Variants in SPECC1 observed in about 807,000 individuals in gnomAD.
SPECC1 encodes the protein sperm antigen with calponin homology and coiled-coil domains 1.
Under a neutral mutation model 104.1 loss-of-function variants are expected in SPECC1, and 62 were observed. The ratio of observed to expected loss-of-function variants is 0.60; its 90% CI spans 0.49 to 0.74. The LOEUF (loss-of-function observed/expected upper bound fraction) is 0.74, where lower values mean the gene tolerates loss of function less well. SPECC1 is among the 30% of genes least tolerant of loss of function. The pLI is 0.00. For synonymous variants in SPECC1, 513 were observed against 501.6 expected (o/e 1.02, Z -0.30); for missense variants, 1,306 against 1,310.5 (o/e 1.00, Z 0.05).
At chr17:20,187,441 G>A (rs544582783) in intron 3 of SPECC1, among the ~76,000 whole-genome samples, 26 of 152,192 alleles carry the variant, frequency 1.7e-4, no homozygotes, top group African/African-American at 6.0e-4. Flanking sequence ...GAGAGTCCCC[G>A]CTCTTTGCTG....
chr17:20,172,160 A>G (rs1339540520), intron 3 of SPECC1, among the ~76,000 whole-genome samples: 1 of 152,170 alleles, frequency 6.6e-6, no homozygotes, highest in East Asian at 1.9e-4. Flanking sequence ...CACCTGTGGA[A>G]GGTGTGTGGG....
At chr17:20,010,910 C>A (rs137857021) in intron 1 of SPECC1, among the ~76,000 whole-genome samples, 27 of 152,236 alleles carry the variant, frequency 1.8e-4, no homozygotes, top group African/African-American at 6.3e-4. Flanking sequence ...TGCCCAAATG[C>A]TTTTGTGTAG....
At chr17:20,126,075 G>A (rs1329545858) in intron 3 of SPECC1, among the ~76,000 whole-genome samples, 1 of 152,088 alleles carries the variant, frequency 6.6e-6, no homozygotes, top group Non-Finnish European at 1.5e-5. Context: ...GCACCTCCCC[G>A]AAGAATACTG....
Position 20,204,322 on chromosome 17 carries a change from C to T in SPECC1, c.284-11C>T, listed in dbSNP as rs1567934450. ...TTTATTTTTTCATTTTTTTCTTCTTCTGTCTTTAAGGGGCCTTTACAACAA... is the reference window on the plus strand; with the variant it reads ...TTTATTTTTTCATTTTTTTCTTCTTTTGTCTTTAAGGGGCCTTTACAACAA... On this transcript the variant is annotated splice_polypyrimidine_tract_variant and intron_variant, in intron 3 of 14. Coordinates refer to ENST00000395527, the MANE Select transcript of SPECC1 (RefSeq NM_001243439.2). 11 of 1,581,260 alleles carry T rather than the reference C, an allele frequency of 7.0e-6. No individual in the cohort carries two copies. The highest frequency in any genetic ancestry group is 5.9e-5 in the Admixed American group (3 of 51,040).
At chr17:20,021,604 C>A (rs1460084708) in intron 1 of SPECC1, among the ~76,000 whole-genome samples, 1 of 150,604 alleles carries the variant, frequency 6.6e-6, no homozygotes, top group Non-Finnish European at 1.5e-5. Context: ...AGATTGCTGT[C>A]AAGGGTGGCT....
At chr17:20,039,782 C>T (rs1476961827) in intron 1 of SPECC1, among the ~76,000 whole-genome samples, 3 of 152,070 alleles carry the variant, frequency 2.0e-5, no homozygotes, top group African/African-American at 7.2e-5. Flanking sequence ...GTCTGGAACT[C>T]CTGACCTCAG....
chr17:20,028,569 A>G (rs928609514), intron 1 of SPECC1, among the ~76,000 whole-genome samples: 9 of 149,840 alleles, frequency 6.0e-5, no homozygotes, highest in African/African-American at 2.0e-4. Flanking sequence ...ATATGTATGT[A>G]TGTATGTGTC....
intron 12 of SPECC1, among the ~76,000 whole-genome samples, chr17:20,263,454 C>T (rs1339956040): frequency 6.7e-6 from 1 of 150,188 alleles, no homozygotes; most frequent in African/African-American, 2.4e-5. Context: ...ACCAACATGG[C>T]ACATATATAC....
At chr17:20,025,584 A>T (rs1262907003) in intron 1 of SPECC1, among the ~76,000 whole-genome samples, 1 of 152,204 alleles carries the variant, frequency 6.6e-6, no homozygotes, top group Non-Finnish European at 1.5e-5. Context: ...TGTATGGATA[A>T]TACCGCATGT....
intron 3 of SPECC1, among the ~76,000 whole-genome samples, chr17:20,157,232 C>T (rs1011706459): frequency 1.3e-5 from 2 of 152,046 alleles, no homozygotes; most frequent in African/African-American, 4.8e-5. Flanking sequence ...TTGGCCCTAT[C>T]CTCGGGGTGG....
intron 1 of SPECC1, among the ~76,000 whole-genome samples, chr17:20,031,917 G>T (rs1435912809): frequency 6.6e-6 from 1 of 152,172 alleles, no homozygotes; most frequent in Non-Finnish European, 1.5e-5. Flanking sequence ...CCCTTGGGTT[G>T]CTTCTACCTT....
chr17:20,317,158 T>TA lies in SPECC1; in HGVS notation c.*3095dup, dbSNP rs2042051309. Reference sequence around the variant, plus strand: ...GGTCAGGCATGGTGGCTCATGCCTATAATCCCAGCACTTTGGGAGGCTGAG... The same window carrying TA: ...GGTCAGGCATGGTGGCTCATGCCTATAAATCCCAGCACTTTGGGAGGCTGAG... On this transcript the variant is annotated 3_prime_UTR_variant, in exon 15 of 15. Transcript: ENST00000395527. 2 of 175,710 alleles carry TA rather than the reference T, an allele frequency of 1.1e-5. No individual in the cohort carries two copies. Among genetic ancestry groups the TA allele is most frequent in the African/African-American group, 4.8e-5 (2 of 41,746 alleles). 10.9% of individuals were successfully genotyped at this position (175,710 alleles called of 1,614,324 possible). A position where few individuals can be genotyped will look rare whatever the true frequency, so the allele number is the denominator to read the frequency against.
chr17:20,096,612 C>G lies in SPECC1; in HGVS notation c.-21-19C>G, dbSNP rs752038431. Reference sequence around the variant, plus strand: ...GTTCAAGTGATGGAGACATGTTTTTCTTTTCTGCTCTTTTGCAGGACAGAC... The same window carrying G: ...GTTCAAGTGATGGAGACATGTTTTTGTTTTCTGCTCTTTTGCAGGACAGAC... On this transcript the variant is annotated intron_variant, in intron 1 of 14. Coordinates refer to ENST00000395527, the MANE Select transcript of SPECC1 (RefSeq NM_001243439.2). 95 of 1,579,370 alleles carry G rather than the reference C, an allele frequency of 6.0e-5. No individual in the cohort carries two copies. Among genetic ancestry groups the G allele is most frequent in the Non-Finnish European group, 7.9e-5 (92 of 1,159,894 alleles).
chr17:20,178,997 T>G (rs1297973608), intron 3 of SPECC1, among the ~76,000 whole-genome samples: 2 of 152,240 alleles, frequency 1.3e-5, no homozygotes, highest in African/African-American at 4.8e-5. Context: ...GAAGCTAGAA[T>G]AGAGTCTGTA....
At chr17:20,156,132 G>A in intron 3 of SPECC1, 2 of 1,388,390 alleles carry the variant, frequency 1.4e-6, no homozygotes, top group Middle Eastern at 2.6e-4. Flanking sequence ...GAGCCAGCGC[G>A]AGCTCGGCAC....
chr17:20,232,331 G>A lies in SPECC1; in HGVS notation c.2277G>A (p.Lys759=), dbSNP rs780495365. Residue 759 remains lysine, a synonymous_variant, in exon 7 of 15, where the codon AAG becomes AAA. Transcript: ENST00000395527. ...VKRKLLEEEE[K]NARLQKELGD... ...GGAAACTGCTGGAGGAGGAGGAGAA[G>A]AATGCCCGGTTGCAGAAGGAGCTGG... 4 of 1,614,004 alleles carry A rather than the reference G, an allele frequency of 2.5e-6. No homozygotes were observed. The highest frequency in any genetic ancestry group is 3.4e-6 in the Non-Finnish European group (4 of 1,180,012).
intron 3 of SPECC1, among the ~76,000 whole-genome samples, chr17:20,128,366 T>G (rs574790776): frequency 1.3e-5 from 2 of 152,328 alleles, no homozygotes; most frequent in Admixed American, 1.3e-4. Context: ...TGTGTGAAAC[T>G]GCTTTGTGTT....
intron 2 of SPECC1, among the ~76,000 whole-genome samples, chr17:20,105,646 C>A (rs770661099): frequency 6.6e-6 from 1 of 152,238 alleles, no homozygotes; most frequent in Non-Finnish European, 1.5e-5. Context: ...GCTTTCCCCC[C>A]GGTCACTGCT....
chr17:20,012,512 C>A (rs2043978795), intron 1 of SPECC1, among the ~76,000 whole-genome samples: 1 of 149,348 alleles, frequency 6.7e-6, no homozygotes. Flanking sequence ...AACGAGCCAT[C>A]TTATTTAATT....
Sources: gnomAD v4.1 joint callset for allele counts (sites outside exome capture counted in the v4.1 genomes callset) on GRCh38, gnomAD v4.1.1 for gene constraint, MANE v1.5 for transcripts, NCBI Gene and HGNC (gene_info 2026-07-23, HGNC 2026-07-21) for gene names.